Variants in SLC24A2 observed in about 807,000 individuals in gnomAD.
SLC24A2 encodes sodium/potassium/calcium exchanger 2.
In SLC24A2, 36 loss-of-function variants were observed where a neutral mutation model predicts 62.0. The observed-to-expected ratio is 0.58, with a 90% CI of 0.44 to 0.77. SLC24A2 has a LOEUF of 0.77. Among genes scored for constraint, SLC24A2 ranks in the 30% least tolerant of loss-of-function variants. SLC24A2 has a pLI of 0.00. For synonymous variants in SLC24A2, 358 were observed against 294.0 expected (o/e 1.22, Z -2.23); for missense variants, 846 against 817.9 (o/e 1.03, Z -0.42).
At chr9:19,618,549 A>T (rs562768364) in intron 4 of SLC24A2, among the ~76,000 whole-genome samples, 1 of 152,186 alleles carries the variant, frequency 6.6e-6, no homozygotes, top group Non-Finnish European at 1.5e-5. Context: ...TGCATGTCCA[A>T]TGAAGGAAGA....
At chr9:19,976,524 G>A in the SLC24A2 span, among the ~76,000 whole-genome samples, 42 of 152,274 alleles carry the variant, frequency 2.8e-4, no homozygotes, top group African/African-American at 9.9e-4. Flanking sequence ...AGGCCTCCCA[G>A]TCATGTTTCC....
the SLC24A2 span, among the ~76,000 whole-genome samples, chr9:19,818,750 A>G: frequency 2.6e-4 from 40 of 152,194 alleles, no homozygotes; most frequent in Non-Finnish European, 4.6e-4. Context: ...TGGAATCAAC[A>G]TTGTGAAAAT....
At chr9:19,904,765 C>T in the SLC24A2 span, among the ~76,000 whole-genome samples, 2 of 152,080 alleles carry the variant, frequency 1.3e-5, no homozygotes, top group East Asian at 3.9e-4. Context: ...TGACTCATTT[C>T]TTACTGAATG....
the SLC24A2 span, among the ~76,000 whole-genome samples, chr9:20,042,959 T>C: frequency 1.3e-5 from 2 of 152,214 alleles, no homozygotes; most frequent in South Asian, 2.1e-4. Context: ...CTCCAATGAC[T>C]GGCTTTTCCC....
chr9:20,029,903 G>A, the SLC24A2 span, among the ~76,000 whole-genome samples: 2 of 152,130 alleles, frequency 1.3e-5, no homozygotes, highest in African/African-American at 2.4e-5. Context: ...ATATTATGGT[G>A]TGACAAGCCC....
the SLC24A2 span, among the ~76,000 whole-genome samples, chr9:19,846,884 T>C: frequency 6.6e-6 from 1 of 151,884 alleles, no homozygotes; most frequent in South Asian, 2.1e-4. Context: ...AAATGAGGCA[T>C]GGTGGTGCAT....
chr9:20,130,974 T>C, the SLC24A2 span, among the ~76,000 whole-genome samples: 1 of 151,220 alleles, frequency 6.6e-6, no homozygotes, highest in East Asian at 1.9e-4. Flanking sequence ...ATCTCCTGCA[T>C]GGGGGCTGGA....
the SLC24A2 span, among the ~76,000 whole-genome samples, chr9:20,137,721 T>A: frequency 6.6e-6 from 1 of 152,196 alleles, no homozygotes. Flanking sequence ...TTTAGGCTAT[T>A]TTTAGAGCTA....
chr9:19,530,078 C>CTT lies in SLC24A2; in HGVS notation c.1480-1942_1480-1941dup, dbSNP rs11365952. Reference sequence around the variant, plus strand: ...ATTAGATCTTTACTTATAAAAGCAGCTTTTTTTTTTTTTTTTTTTTAAGCT... The same window carrying CTT: ...ATTAGATCTTTACTTATAAAAGCAGCTTTTTTTTTTTTTTTTTTTTTTAAGCT... On this transcript the variant is annotated intron_variant, in intron 8 of 10. Transcript: ENST00000341998. Among the ~76,000 whole-genome samples, 1,217 of 124,886 alleles carry CTT rather than the reference C, an allele frequency of 9.7e-3. 21 individuals are homozygous for CTT. Among genetic ancestry groups the CTT allele is most frequent in the African/African-American group, 0.035 (1,136 of 32,774 alleles). 81.9% of individuals were successfully genotyped at this position (124,886 alleles called of 152,430 possible).
chr9:19,789,144 G>T (rs568996377), upstream of SLC24A2, among the ~76,000 whole-genome samples: 1 of 152,358 alleles, frequency 6.6e-6, no homozygotes, highest in South Asian at 2.1e-4. Flanking sequence ...AGCGCGCTCA[G>T]CTCCCGAGTC....
At chr9:19,604,460 G>A (rs912464331) in intron 4 of SLC24A2, among the ~76,000 whole-genome samples, 1 of 152,310 alleles carries the variant, frequency 6.6e-6, no homozygotes, top group South Asian at 2.1e-4. Context: ...TATACTCCTG[G>A]ATCCCATCTT....
At chr9:20,128,849 A>G in the SLC24A2 span, among the ~76,000 whole-genome samples, 1 of 152,108 alleles carries the variant, frequency 6.6e-6, no homozygotes, top group Non-Finnish European at 1.5e-5. Context: ...TTTGAAGAAT[A>G]TATAGGGGTA....
chr9:19,607,016 A>G (rs934113531), intron 4 of SLC24A2, among the ~76,000 whole-genome samples: 2 of 145,880 alleles, frequency 1.4e-5, no homozygotes, highest in Non-Finnish European at 3.0e-5. Flanking sequence ...AGAGAAAGTC[A>G]TCTCATCACA....
the SLC24A2 span, among the ~76,000 whole-genome samples, chr9:20,016,219 G>T: frequency 6.6e-6 from 1 of 152,066 alleles, no homozygotes; most frequent in Non-Finnish European, 1.5e-5. Flanking sequence ...TTTTTAGCTT[G>T]ATTGTACTGT....
the SLC24A2 span, among the ~76,000 whole-genome samples, chr9:20,219,952 T>C: frequency 3.0e-4 from 45 of 152,312 alleles, no homozygotes; most frequent in African/African-American, 1.0e-3. Context: ...GAGTCTATCC[T>C]ACCTACCATA....
chr9:19,915,846 T>G, the SLC24A2 span, among the ~76,000 whole-genome samples: 5 of 152,048 alleles, frequency 3.3e-5, no homozygotes, highest in Non-Finnish European at 7.4e-5. Context: ...ATATATTATT[T>G]GCACAAATTT....
chr9:19,581,176 C>A (rs1836198578), intron 5 of SLC24A2, among the ~76,000 whole-genome samples: 1 of 152,130 alleles, frequency 6.6e-6, no homozygotes, highest in South Asian at 2.1e-4. Flanking sequence ...GCATACAGGG[C>A]CTTGTTGGAC....
rs111236783 is a variant in SLC24A2 at position 19,687,354 on chromosome 9, C to G, written c.931-65055G>C. On this transcript the variant is annotated intron_variant, in intron 2 of 10. Coordinates refer to ENST00000341998, the MANE Select transcript of SLC24A2 (RefSeq NM_020344.4). ...TGTATAAAATGGCATGTTACTCACC[C>G]CTTGTGTACATAGTCCTCAAGTTAC... Among the ~76,000 whole-genome samples, 365 of 152,166 alleles carry G rather than the reference C, an allele frequency of 2.4e-3. 4 individuals carry two copies. Among genetic ancestry groups the G allele is most frequent in the African/African-American group, 8.5e-3 (353 of 41,548 alleles).
At chr9:20,059,350 T>C in the SLC24A2 span, among the ~76,000 whole-genome samples, 4 of 152,184 alleles carry the variant, frequency 2.6e-5, no homozygotes, top group Non-Finnish European at 5.9e-5. Flanking sequence ...AGAATGTACA[T>C]TCTTCTCATG....
Sources: gnomAD v4.1 joint callset for allele counts (sites outside exome capture counted in the v4.1 genomes callset) on GRCh38, gnomAD v4.1.1 for gene constraint, MANE v1.5 for transcripts, NCBI Gene and HGNC (gene_info 2026-07-23, HGNC 2026-07-21) for gene names.